NUP85: variants seen among roughly 807,000 people sequenced by gnomAD.
NUP85 encodes nucleoporin 85.
In NUP85, 23 loss-of-function variants were observed where a neutral mutation model predicts 92.8. That is an observed-to-expected ratio of 0.25 (90% CI 0.18 to 0.35). The LOEUF is 0.35. Ranked by LOEUF, NUP85 falls within the 10% of genes least tolerant of loss-of-function variation. The pLI, the probability that NUP85 is intolerant of heterozygous loss-of-function variation, is 1.00. For synonymous variants in NUP85, 314 were observed against 306.9 expected (o/e 1.02, Z -0.24); for missense variants, 759 against 822.8 (o/e 0.92, Z 0.95).
chr17:75,208,367 C>A, intron 1 of NUP85, 160 bp from the exon 2 acceptor site: 1 of 615,960 alleles, frequency 1.6e-6, no homozygotes, highest in Non-Finnish European at 2.9e-6. Flanking sequence ...AGCCTTTGAA[C>A]CCAGGAGGCG....
In NUP85 at chr17:75,230,148, ATCT is replaced by A. The variant is rs551503089; in HGVS notation, c.1095-1188_1095-1186del. Among the ~76,000 whole-genome samples, 3 of 150,532 alleles carry A rather than the reference ATCT, an allele frequency of 2.0e-5. No homozygotes were observed. The South Asian group carries it at 6.3e-4, about 32-fold the overall frequency. On this transcript the variant is annotated intron_variant, in intron 11 of 18. Transcript: ENST00000245544. ...AGCCTCTGCCTCCTGGGCTCAAGCG[ATCT>A]TCTGCCTCAGCCTTCCGAGTAGCTG...
intron 9 of NUP85, 86 bp from the exon 10 acceptor site, chr17:75,225,612 C>A: frequency 6.3e-7 from 1 of 1,583,772 alleles, no homozygotes; most frequent in South Asian, 1.2e-5. Flanking sequence ...TAGTTGAAAT[C>A]CGGTGCCCTT....
At chr17:75,233,894 C>A (rs552546672) in intron 16 of NUP85, among the ~76,000 whole-genome samples, 1 of 150,092 alleles carries the variant, frequency 6.7e-6, no homozygotes. Flanking sequence ...CACTGCGCCC[C>A]GCCTAATTTT....
At chr17:75,225,544 T>C (rs2075758856) in intron 9 of NUP85, 80 bp downstream of exon 9, 4 of 1,579,332 alleles carry the variant, frequency 2.5e-6, no homozygotes, top group Non-Finnish European at 3.4e-6. Flanking sequence ...GGCAGGAGCT[T>C]GGTCCTCCTT....
At chr17:75,215,876 G>A in intron 6 of NUP85, 53 bp downstream of exon 6, 1 of 1,450,200 alleles carries the variant, frequency 6.9e-7, no homozygotes, top group Non-Finnish European at 9.7e-7. Flanking sequence ...TCCATCTTCT[G>A]CTCTTTCCTC....
rs780147191 is a variant in NUP85 at position 75,225,282 on chromosome 17, G to A, written c.732+45G>A. 6 of 1,610,330 alleles carry A rather than the reference G, an allele frequency of 3.7e-6. No homozygotes were observed. In the Admixed American group the frequency reaches 8.3e-5, roughly 22 times the overall value. On this transcript the variant is annotated intron_variant, in intron 8 of 18. Transcript: ENST00000245544. ...CTCTGCTGGGTCACAGGAGATGCGT[G>A]ATTCACTAAATATAAAGGGTGTGGA...
At chr17:75,225,289 TA>T (rs2075747222) in intron 8 of NUP85, 52 bp downstream of exon 8, 2 of 1,610,616 alleles carry the variant, frequency 1.2e-6, no homozygotes, top group Non-Finnish European at 8.5e-7. Flanking sequence ...CGTGATTCAC[TA>T]AATATAAAGG....
intron 1 of NUP85, 35 bp downstream of exon 1, chr17:75,205,829 C>A (rs1310170071): frequency 1.9e-6 from 3 of 1,612,456 alleles, no homozygotes; most frequent in South Asian, 2.2e-5. Context: ...CTCGTCCTTG[C>A]GGGTTGAGAA....
chr17:75,225,353 C>T lies in NUP85; in HGVS notation c.744C>T (p.Thr248=). 6.2e-7 allele frequency: 1 copy of T among 1,614,216 alleles called. No individual in the cohort carries two copies. The highest frequency in any genetic ancestry group is 8.5e-7 in the Non-Finnish European group (1 of 1,180,038). The change falls in exon 9 of 19, where the codon ACC becomes ACT. Residue 248 remains threonine, a synonymous_variant. Transcript: ENST00000245544. ...GGTCTCTCCCTTAGCCCGGGAACAC[C>T]CAGACACTGACAGAGCTGGAGCTGA... ...RTMPILSPGN[T]QTLTELELKW...
rs190640139 is a variant in NUP85 at position 75,214,482 on chromosome 17, C to T, written c.406-1272C>T. 8.0e-3 allele frequency among the ~76,000 whole-genome samples: 1,212 copies of T among 152,290 alleles called. 4 individuals carry two copies. Among genetic ancestry groups the T allele is most frequent in the Non-Finnish European group, 0.013 (890 of 68,034 alleles). On this transcript the variant is annotated intron_variant, in intron 5 of 18. Coordinates refer to ENST00000245544, the MANE Select transcript of NUP85 (RefSeq NM_024844.5). ...AGCTTCACAATTCTTGCTCTGTCTACGTGTTTCATGTCATCTACTGAATAT... is the reference window on the plus strand; with the variant it reads ...AGCTTCACAATTCTTGCTCTGTCTATGTGTTTCATGTCATCTACTGAATAT...
At position 75,213,112 on chromosome 17, in the gene NUP85, G is replaced by T. The variant is rs998860227; in HGVS notation, c.398G>T (p.Ser133Ile). ...AKDPANGRQF[S>I]SQVSILSAME... ...GATCCAGCCAATGGCCGCCAGTTCA[G>T]CAGCCAGGTAAGGGGAGTCACCTTT... is the stretch of plus-strand genomic sequence containing the variant. The change falls in exon 5 of 19, where the codon AGC becomes ATC. Residue 133 changes from serine to isoleucine, a missense_variant. Transcript: ENST00000245544. The T allele has an allele frequency of 1.2e-6, 2 of 1,613,610 alleles. No individual in the cohort carries two copies. Among genetic ancestry groups the T allele is most frequent in the African/African-American group, 2.7e-5 (2 of 75,026 alleles).
intron 7 of NUP85, 42 bp from the exon 8 acceptor site, chr17:75,225,061 C>T (rs1166961476): frequency 1.3e-5 from 19 of 1,511,560 alleles, no homozygotes; most frequent in African/African-American, 2.8e-5. Flanking sequence ...TCGGCAGGGC[C>T]AGGCCTCCTG....
chr17:75,222,489 T>G (rs1299802337), intron 7 of NUP85, among the ~76,000 whole-genome samples: 1 of 131,496 alleles, frequency 7.6e-6, no homozygotes, highest in Admixed American at 1.0e-4. Flanking sequence ...TGTTTATATA[T>G]TTGTGATTTT....
At chr17:75,212,476 T>G (rs1268706877) in intron 4 of NUP85, among the ~76,000 whole-genome samples, 155 of 18,138 alleles carry the variant, frequency 8.5e-3, no homozygotes, top group East Asian at 0.028. Flanking sequence ...GGAGTTTTTT[T>G]TTTTTTTTTT....
In NUP85 at chr17:75,235,530, A is replaced by C. The variant is rs762213641; in HGVS notation, c.1870-48A>C. The C allele has an allele frequency of 2.1e-6, 3 of 1,396,392 alleles. No homozygotes were observed. In the South Asian group the frequency reaches 3.5e-5, roughly 16 times the overall value. The allele number at this position is 1,396,392 out of a possible 1,614,324, so 86.5% of individuals were successfully genotyped here. A position where few individuals can be genotyped will look rare whatever the true frequency, so the allele number is the denominator to read the frequency against. Reference sequence around the variant, plus strand: ...TAGCTAGACCCTTCGGGAGTGTGAAAGGGCTCCTTCCTGCTCTTAGCTCAT... The same window carrying C: ...TAGCTAGACCCTTCGGGAGTGTGAACGGGCTCCTTCCTGCTCTTAGCTCAT... On this transcript the variant is annotated intron_variant, in intron 18 of 18. Transcript: ENST00000245544.
At position 75,225,229 on chromosome 17, in the gene NUP85, A is replaced by G. The variant is rs762028528; in HGVS notation, c.724A>G (p.Ile242Val). Residue 242 changes from isoleucine to valine, a missense_variant, in exon 8 of 19, where the codon ATT becomes GTT. Transcript: ENST00000245544. Reference protein sequence around the residue: ...IMGDLMRTMPILSPGNTQTLT... With the variant: ...IMGDLMRTMPVLSPGNTQTLT... ...GGGGGACCTGATGAGGACAATGCCC[A>G]TTCTTAGTGTACGTGGGGGTAGCTT... The G allele has an allele frequency of 1.9e-6, 3 of 1,605,454 alleles. No homozygotes were observed. Among genetic ancestry groups the G allele is most frequent in the Admixed American group, 1.7e-5 (1 of 59,470 alleles).
Position 75,231,746 on chromosome 17 carries a change from G to A in NUP85, c.1245-82G>A, listed in dbSNP as rs2076068850. 3 of 1,606,346 alleles carry A rather than the reference G, an allele frequency of 1.9e-6. No homozygotes were observed. The highest frequency in any genetic ancestry group is 1.3e-5 in the African/African-American group (1 of 74,736). On this transcript the variant is annotated intron_variant, in intron 13 of 18. Transcript: ENST00000245544. This position sits in a 1 kb window ranked among gnomAD's most constrained non-coding sequence, Gnocchi z 4.6. Reference sequence around the variant, plus strand: ...GTTGGCTCCTTGAAGGCTTCGGAAGGGTCAGTGAAAGGGAGCTGTAGGTGC... The same window carrying A: ...GTTGGCTCCTTGAAGGCTTCGGAAGAGTCAGTGAAAGGGAGCTGTAGGTGC...
At chr17:75,225,657 C>T in intron 9 of NUP85, 41 bp from the exon 10 acceptor site, 1 of 1,611,204 alleles carries the variant, frequency 6.2e-7, no homozygotes, top group Non-Finnish European at 8.5e-7. Context: ...GAAGGTACCC[C>T]TGAGAGGAGG....
chr17:75,231,390 A>G lies in NUP85; in HGVS notation c.1145A>G (p.Asp382Gly). 6.2e-7 allele frequency: 1 copy of G among 1,614,106 alleles called. No homozygotes were observed. The highest frequency in any genetic ancestry group is 8.5e-7 in the Non-Finnish European group (1 of 1,180,016). ...GTGGCCCACCTGACAGACCTGCTGG[A>G]CCACTGCAAGCTCCTCCAGTCACAC... ...WFVAHLTDLLDHCKLLQSHNL... is the reference protein window; with the variant it reads ...WFVAHLTDLLGHCKLLQSHNL... The change falls in exon 12 of 19, where the codon GAC (aspartate) becomes GGC (glycine). Residue 382 changes from aspartate to glycine, a missense_variant. Coordinates refer to ENST00000245544, the MANE Select transcript of NUP85 (RefSeq NM_024844.5). The surrounding 1 kb of genome is among the most constrained non-coding windows in gnomAD (Gnocchi z 4.6).
Sources: gnomAD v4.1 joint callset for allele counts (sites outside exome capture counted in the v4.1 genomes callset) on GRCh38, gnomAD v4.1.1 for gene constraint, Gnocchi (gnomAD v3.1) non-coding constraint, MANE v1.5 for transcripts, NCBI Gene and HGNC (gene_info 2026-07-23, HGNC 2026-07-21) for gene names.